Variants in RFWD3 observed in about 807,000 individuals in gnomAD.
The protein encoded by RFWD3 is ring finger and WD repeat domain 3, also known as E3 ubiquitin-protein ligase RFWD3.
Under a neutral mutation model 87.7 loss-of-function variants are expected in RFWD3, and 65 were observed. The ratio of observed to expected loss-of-function variants is 0.74; its 90% confidence interval spans 0.61 to 0.91. RFWD3 has a LOEUF of 0.91. Ranked by LOEUF, RFWD3 falls within the 40% of genes least tolerant of loss-of-function variation. The pLI, the probability that RFWD3 is intolerant of heterozygous loss-of-function variation, is 0.00. For synonymous variants in RFWD3, 433 were observed against 352.8 expected (o/e 1.23, Z -2.55); for missense variants, 1,078 against 938.5 (o/e 1.15, Z -1.94).
rs546566295 is a variant in RFWD3 at position 74,625,130 on chromosome 16, G to C, written c.2182-1059C>G. 5.1e-4 allele frequency among the ~76,000 whole-genome samples: 77 copies of C among 151,704 alleles called. 1 individual carries two copies. Among genetic ancestry groups the C allele is most frequent in the Non-Finnish European group, 9.1e-4 (62 of 67,986 alleles). On this transcript the variant is annotated intron_variant, in intron 12 of 12. Coordinates refer to ENST00000361070, the MANE Select transcript of RFWD3 (RefSeq NM_018124.4). Reference sequence around the variant, plus strand: ...CACAAGAATCACTTGAACCCAGGAGGTGGAGGTTGTAGTAAGCCAAGATTG... The same window carrying C: ...CACAAGAATCACTTGAACCCAGGAGCTGGAGGTTGTAGTAAGCCAAGATTG...
chr16:74,658,711 T>G (rs1048525576), intron 2 of RFWD3, among the ~76,000 whole-genome samples: 2 of 152,162 alleles, frequency 1.3e-5, no homozygotes, highest in Admixed American at 6.5e-5. Context: ...ATAGCTTGAC[T>G]GACATCTTTC....
intron 1 of RFWD3, among the ~76,000 whole-genome samples, chr16:74,665,038 A>C (rs1175112932): frequency 6.6e-6 from 1 of 152,190 alleles, no homozygotes; most frequent in Admixed American, 6.5e-5. Context: ...CGGTGCTTAA[A>C]ATGTCAACCT....
Position 74,661,040 on chromosome 16 carries a change from AG to A in RFWD3, c.409del (p.Leu137Ter). 2 of 1,614,252 alleles carry A rather than the reference AG, an allele frequency of 1.2e-6. No individual in the cohort carries two copies. Among genetic ancestry groups the A allele is most frequent in the Non-Finnish European group, 1.7e-6 (2 of 1,180,046 alleles). The part of the protein sequence containing the change: ...LQRLHGMLEF[L>X]RPSSSNHSVG... Reference sequence around the variant, plus strand: ...ACTGTGGTTTGAAGATGAAGGTCTCAGGAATTCCAGCATGCCATGAAGTCTC... The same window carrying A: ...ACTGTGGTTTGAAGATGAAGGTCTCAGAATTCCAGCATGCCATGAAGTCTC... On this transcript the variant is annotated frameshift_variant, in exon 2 of 13. Coordinates refer to ENST00000361070, the MANE Select transcript of RFWD3 (RefSeq NM_018124.4). LOFTEE classifies it high-confidence loss of function.
chr16:74,653,790 A>T (rs978896253), intron 2 of RFWD3, among the ~76,000 whole-genome samples: 1 of 152,236 alleles, frequency 6.6e-6, no homozygotes, highest in Non-Finnish European at 1.5e-5. Context: ...GAAAAATTTT[A>T]TTCCTAATAG....
At chr16:74,643,212 C>A (rs1010388463) in intron 6 of RFWD3, among the ~76,000 whole-genome samples, 1 of 152,152 alleles carries the variant, frequency 6.6e-6, no homozygotes, top group Non-Finnish European at 1.5e-5. Flanking sequence ...AACTCCTGGT[C>A]TTAAGCAATC....
intron 8 of RFWD3, among the ~76,000 whole-genome samples, chr16:74,635,622 T>C (rs1469482732): frequency 6.6e-6 from 1 of 152,196 alleles, no homozygotes; most frequent in Non-Finnish European, 1.5e-5. Flanking sequence ...TTGGGGAACA[T>C]TAGGAAATAG....
Position 74,632,567 on chromosome 16 carries a change from G to A in RFWD3, c.1533C>T (p.Gly511=), listed in dbSNP as rs1221340056. 1.2e-6 allele frequency: 2 copies of A among 1,614,076 alleles called. No individual in the cohort carries two copies. Among genetic ancestry groups the A allele is most frequent in the Non-Finnish European group, 8.5e-7 (1 of 1,179,960 alleles). Residue 511 remains glycine (G), a synonymous_variant, in exon 9 of 13, where the codon GGC becomes GGT. Coordinates refer to ENST00000361070, the MANE Select transcript of RFWD3 (RefSeq NM_018124.4). ...TGTCTAGGGAAGCAGAGAGTAGCAA[G>A]CCTCTGAGGTAACTGCTAAACGCCA... The part of the protein sequence containing the change: ...RGLAFSSYLR[G]LLLSASLDNT...
At chr16:74,632,439 T>G in intron 9 of RFWD3, 84 bp downstream of exon 9, 1 of 1,444,252 alleles carries the variant, frequency 6.9e-7, no homozygotes, top group Non-Finnish European at 9.6e-7. Flanking sequence ...AAAACAGAGC[T>G]AAGGTCATCA....
chr16:74,625,494 A>G (rs1958904599), intron 12 of RFWD3, among the ~76,000 whole-genome samples: 1 of 148,274 alleles, frequency 6.7e-6, no homozygotes, highest in African/African-American at 2.5e-5. Flanking sequence ...AGCCTGGGTA[A>G]CAGAGCGAGA....
chr16:74,663,774 A>T (rs76327540), intron 1 of RFWD3, among the ~76,000 whole-genome samples: 19,161 of 152,116 alleles, frequency 0.13, 1,488 homozygotes, highest in Admixed American at 0.24. Flanking sequence ...AAAAGATAAA[A>T]CTCAAAGCCT....
At chr16:74,638,303 G>A (rs9938833) in intron 6 of RFWD3, among the ~76,000 whole-genome samples, 111,619 of 152,012 alleles carry the variant, frequency 0.73, 41,440 homozygotes, top group African/African-American at 0.84. Context: ...GATTAAAAAG[G>A]AAACAGTAAG....
At chr16:74,655,131 C>A (rs1464351221) in intron 2 of RFWD3, among the ~76,000 whole-genome samples, 1 of 151,704 alleles carries the variant, frequency 6.6e-6, no homozygotes, top group Non-Finnish European at 1.5e-5. Flanking sequence ...TTGGAAGATG[C>A]CACGTAGGAC....
At chr16:74,628,693 C>T (rs746369353) in intron 10 of RFWD3, 27 bp from the exon 11 acceptor site, 3 of 1,609,528 alleles carry the variant, frequency 1.9e-6, no homozygotes, top group Non-Finnish European at 1.7e-6. Context: ...GAAACTGTAT[C>T]TCACACTCCA....
At chr16:74,646,942 G>C (rs1353336646) in intron 4 of RFWD3, among the ~76,000 whole-genome samples, 2 of 151,794 alleles carry the variant, frequency 1.3e-5, no homozygotes, top group African/African-American at 2.4e-5. Flanking sequence ...AACAAAATTA[G>C]CCAGGTGTGG....
chr16:74,662,685 C>T (rs1961551067), intron 1 of RFWD3, among the ~76,000 whole-genome samples: 1 of 152,156 alleles, frequency 6.6e-6, no homozygotes, highest in Non-Finnish European at 1.5e-5. Context: ...ATGGGTTTCA[C>T]TGATGAACAG....
chr16:74,660,336 C>T (rs1047732989), intron 2 of RFWD3, among the ~76,000 whole-genome samples: 3 of 152,126 alleles, frequency 2.0e-5, no homozygotes, highest in Non-Finnish European at 4.4e-5. Context: ...GCCTGTAATG[C>T]CAGGTACTGG....
At chr16:74,656,153 C>T (rs1389572440) in intron 2 of RFWD3, among the ~76,000 whole-genome samples, 1 of 151,800 alleles carries the variant, frequency 6.6e-6, no homozygotes, top group Non-Finnish European at 1.5e-5. Context: ...AAAAAATTAG[C>T]TGGGTGTGGC....
At position 74,632,945 on chromosome 16, in the gene RFWD3, G is replaced by A. The variant is rs556517315; in HGVS notation, c.1427-272C>T. 3.3e-5 allele frequency among the ~76,000 whole-genome samples: 5 copies of A among 152,144 alleles called. No homozygotes were observed. In the South Asian group the frequency reaches 6.2e-4, roughly 19 times the overall value. Reference sequence around the variant, plus strand: ...GCCTCCCAAAGTGCTGGGATTACAGGCATGAGCCACCACACCTGGCCTATG... The same window carrying A: ...GCCTCCCAAAGTGCTGGGATTACAGACATGAGCCACCACACCTGGCCTATG... On this transcript the variant is annotated intron_variant, in intron 8 of 12. Transcript: ENST00000361070.
chr16:74,660,374 A>T (rs942706618), intron 2 of RFWD3, among the ~76,000 whole-genome samples: 4 of 152,200 alleles, frequency 2.6e-5, no homozygotes, highest in African/African-American at 9.7e-5. Context: ...AATCGCTTGA[A>T]TCTGGGAGAT....
Sources: gnomAD v4.1 joint callset for allele counts (sites outside exome capture counted in the v4.1 genomes callset) on GRCh38, gnomAD v4.1.1 for gene constraint, MANE v1.5 for transcripts, NCBI Gene and HGNC (gene_info 2026-07-23, HGNC 2026-07-21) for gene names.